SYT17: variants seen among roughly 807,000 people sequenced by gnomAD.
The protein encoded by SYT17 is synaptotagmin 17.
SYT17 carries 22 observed loss-of-function variants against 46.7 expected under a neutral mutation model. The ratio of observed to expected loss-of-function variants is 0.47; its 90% CI spans 0.34 to 0.67. The LOEUF is 0.67. Among genes scored for constraint, SYT17 ranks in the 30% least tolerant of loss-of-function variants. SYT17 has a pLI of 0.01. For synonymous variants in SYT17, 251 were observed against 248.4 expected (o/e 1.01, Z -0.10); for missense variants, 519 against 612.8 (o/e 0.85, Z 1.62).
chr16:19,251,750 C>T (rs926829465), intron 7 of SYT17, among the ~76,000 whole-genome samples: 7 of 152,148 alleles, frequency 4.6e-5, no homozygotes, highest in African/African-American at 1.7e-4. Context: ...GACAATTCTG[C>T]TCATTGTACT....
chr16:19,252,442 TATATACAC>T (rs1433470535), intron 7 of SYT17, among the ~76,000 whole-genome samples: 3 of 31,776 alleles, frequency 9.4e-5, no homozygotes, highest in African/African-American at 5.0e-4. Flanking sequence ...TATATACATA[TATATACAC>T]ATATATACAT....
intron 5 of SYT17, among the ~76,000 whole-genome samples, chr16:19,216,518 G>T (rs1966101388): frequency 6.6e-6 from 1 of 151,836 alleles, no homozygotes; most frequent in African/African-American, 2.4e-5. Context: ...TTCTCCTCAT[G>T]CTATCCCTCC....
intron 7 of SYT17, among the ~76,000 whole-genome samples, chr16:19,258,291 A>G (rs1968719868): frequency 6.6e-6 from 1 of 151,966 alleles, no homozygotes; most frequent in Non-Finnish European, 1.5e-5. Context: ...AAGGGTGGCA[A>G]TTGTGTCCCC....
At chr16:19,243,647 T>C (rs142616740) in intron 7 of SYT17, among the ~76,000 whole-genome samples, 79 of 151,832 alleles carry the variant, frequency 5.2e-4, no homozygotes, top group East Asian at 4.9e-3. Flanking sequence ...GGAGAAGCCC[T>C]GTCTCTACTA....
At chr16:19,213,617 C>T (rs1399427976) in intron 5 of SYT17, among the ~76,000 whole-genome samples, 4 of 152,194 alleles carry the variant, frequency 2.6e-5, no homozygotes, top group African/African-American at 9.6e-5. Context: ...TCAAGCATTC[C>T]TCCTGTCTCA....
intron 5 of SYT17, among the ~76,000 whole-genome samples, chr16:19,195,162 C>A (rs917545086): frequency 2.0e-5 from 3 of 152,168 alleles, no homozygotes; most frequent in Admixed American, 2.0e-4. Context: ...ATAGCACTCA[C>A]TGTGCACTGG....
At chr16:19,221,054 G>A (rs1406280237) in intron 5 of SYT17, among the ~76,000 whole-genome samples, 2 of 151,970 alleles carry the variant, frequency 1.3e-5, no homozygotes, top group Non-Finnish European at 2.9e-5. Flanking sequence ...TCCAGGCATA[G>A]TGGCACATGC....
intron 5 of SYT17, among the ~76,000 whole-genome samples, chr16:19,194,059 C>A (rs1412244756): frequency 1.3e-5 from 2 of 152,134 alleles, no homozygotes; most frequent in Admixed American, 6.5e-5. Flanking sequence ...CATGCCTCAC[C>A]TTCTCCCTGC....
At chr16:19,189,535 A>T (rs1964931567) in intron 5 of SYT17, among the ~76,000 whole-genome samples, 1 of 152,084 alleles carries the variant, frequency 6.6e-6, no homozygotes, top group Admixed American at 6.5e-5. Flanking sequence ...TTTTTTGTAG[A>T]GATGGAGTCT....
chr16:19,214,733 C>G (rs1193498759), intron 5 of SYT17, among the ~76,000 whole-genome samples: 1 of 152,076 alleles, frequency 6.6e-6, no homozygotes, highest in Non-Finnish European at 1.5e-5. Flanking sequence ...GCTCTGAGGC[C>G]CCCAAGCCCT....
At chr16:19,247,118 A>G (rs1967634822) in intron 7 of SYT17, among the ~76,000 whole-genome samples, 1 of 152,192 alleles carries the variant, frequency 6.6e-6, no homozygotes, top group African/African-American at 2.4e-5. Context: ...GAACAGCAAC[A>G]CAAAGGCGCT....
chr16:19,246,969 A>T (rs190686901), intron 7 of SYT17, among the ~76,000 whole-genome samples: 1 of 152,252 alleles, frequency 6.6e-6, no homozygotes, highest in East Asian at 1.9e-4. Context: ...GGAAGCAGAG[A>T]AAGGGGGTCG....
Position 19,183,523 on chromosome 16 carries a change from C to T in SYT17, c.332-5C>T. On this transcript the variant is annotated splice_region_variant and splice_polypyrimidine_tract_variant and intron_variant, in intron 4 of 7. Transcript: ENST00000355377. The surrounding 1 kb of genome is among the most constrained non-coding windows in gnomAD (Gnocchi z 5.6). ...GTCTTCATTGTTATTTCTGGTGGCT[C>T]TCAGGTCTTGAGTCAAGACGTCCCA... 1 of 1,613,140 alleles carries T rather than the reference C, an allele frequency of 6.2e-7. No individual in the cohort carries two copies. Among genetic ancestry groups the T allele is most frequent in the Non-Finnish European group, 8.5e-7 (1 of 1,179,220 alleles).
At chr16:19,186,151 G>C (rs1305298856) in intron 5 of SYT17, among the ~76,000 whole-genome samples, 2 of 152,132 alleles carry the variant, frequency 1.3e-5, no homozygotes. Flanking sequence ...GTTTCATGGG[G>C]ACCTTTCAGT....
intron 5 of SYT17, among the ~76,000 whole-genome samples, chr16:19,189,432 C>A (rs1010518921): frequency 6.6e-6 from 1 of 151,660 alleles, no homozygotes; most frequent in Non-Finnish European, 1.5e-5. Context: ...CCTTGAACTC[C>A]TGGGCTCAAG....
intron 5 of SYT17, chr16:19,211,274 G>A: frequency 1.8e-6 from 1 of 554,848 alleles, no homozygotes; most frequent in Non-Finnish European, 3.2e-6. Flanking sequence ...CTTCGATTCT[G>A]TGGGGGTTGG....
At chr16:19,210,214 ACTACT>A (rs892251893) in intron 5 of SYT17, among the ~76,000 whole-genome samples, 8 of 152,128 alleles carry the variant, frequency 5.3e-5, no homozygotes, top group African/African-American at 9.7e-5. Context: ...ATATAGTAAC[ACTACT>A]CTACTATCAA....
intron 7 of SYT17, chr16:19,250,149 A>G (rs996178419): frequency 8.6e-6 from 12 of 1,395,468 alleles, no homozygotes; most frequent in African/African-American, 5.8e-5. Flanking sequence ...ATTTTTTAAC[A>G]TATTGAAAGA....
chr16:19,172,326 G>C, intron 1 of SYT17: 1 of 1,338,048 alleles, frequency 7.5e-7, no homozygotes, highest in South Asian at 2.2e-5. Flanking sequence ...GGGGAGCCAA[G>C]TAACATCCAC....
Sources: allele counts gnomAD v4.1 joint callset (sites outside exome capture counted in the v4.1 genomes callset), GRCh38; gene constraint gnomAD v4.1.1; non-coding constraint Gnocchi (gnomAD v3.1); transcripts MANE v1.5; gene names NCBI Gene and HGNC (gene_info 2026-07-23, HGNC 2026-07-21).